SRBD1: variants seen among roughly 807,000 people sequenced by gnomAD.
SRBD1 encodes S1 RNA binding domain 1.
A neutral mutation model predicts 115.3 loss-of-function variants in SRBD1; 88 were observed. The observed-to-expected ratio is 0.76, with a 90% CI of 0.64 to 0.91. SRBD1 has a LOEUF of 0.91. Ranked by LOEUF, SRBD1 falls within the 40% of genes least tolerant of loss-of-function variation. SRBD1 has a pLI of 0.00. For missense variants in SRBD1, 1,385 were observed against 1,177.4 expected, an observed-to-expected ratio of 1.18 and a Z score of -2.58; for synonymous variants, 509 against 407.7, an observed-to-expected ratio of 1.25 and a Z score of -2.99.
chr2:45,424,668 T>A (rs988736846), intron 16 of SRBD1, among the ~76,000 whole-genome samples: 1 of 152,216 alleles, frequency 6.6e-6, no homozygotes, highest in Admixed American at 6.5e-5. Flanking sequence ...AAGACAGACA[T>A]ACATATACCC....
chr2:45,590,045 GA>G (rs1673669778), intron 4 of SRBD1, among the ~76,000 whole-genome samples: 1 of 152,216 alleles, frequency 6.6e-6, no homozygotes. Context: ...GCTAAACAGG[GA>G]GGCAGGAATT....
intron 14 of SRBD1, among the ~76,000 whole-genome samples, chr2:45,516,351 CA>C (rs1452517053): frequency 6.6e-6 from 1 of 152,108 alleles, no homozygotes; most frequent in Non-Finnish European, 1.5e-5. Context: ...CCTGCCCCCA[CA>C]AAAATCCACA....
intron 16 of SRBD1, among the ~76,000 whole-genome samples, chr2:45,465,849 T>C (rs909881127): frequency 5.9e-5 from 9 of 152,178 alleles, no homozygotes; most frequent in Non-Finnish European, 8.8e-5. Context: ...AAGAATTGTT[T>C]TAAAATTAAA....
At chr2:45,466,033 T>C (rs76629905) in intron 16 of SRBD1, among the ~76,000 whole-genome samples, 3 of 152,176 alleles carry the variant, frequency 2.0e-5, no homozygotes, top group African/African-American at 7.2e-5. Context: ...TGCCAGGTCC[T>C]GGGAGCTGAA....
At chr2:45,464,768 T>G (rs1178633652) in intron 16 of SRBD1, among the ~76,000 whole-genome samples, 1 of 152,056 alleles carries the variant, frequency 6.6e-6, no homozygotes, top group Non-Finnish European at 1.5e-5. Context: ...AATGTGTAAA[T>G]GAGACAGAAT....
At chr2:45,486,606 G>A (rs1425179294) in intron 15 of SRBD1, among the ~76,000 whole-genome samples, 4 of 151,830 alleles carry the variant, frequency 2.6e-5, no homozygotes, top group East Asian at 1.9e-4. Flanking sequence ...GGTGGCAGGC[G>A]CCTGTAGTCC....
At chr2:45,596,586 T>G (rs1273915680) in intron 4 of SRBD1, among the ~76,000 whole-genome samples, 3 of 152,222 alleles carry the variant, frequency 2.0e-5, no homozygotes, top group Non-Finnish European at 2.9e-5. Flanking sequence ...AACTGTTTTC[T>G]GTCTATTTTA....
At chr2:45,596,969 A>G (rs886797899) in intron 4 of SRBD1, among the ~76,000 whole-genome samples, 2 of 138,600 alleles carry the variant, frequency 1.4e-5, no homozygotes, top group African/African-American at 5.5e-5. Flanking sequence ...CCTAACACAC[A>G]CACCCACACC....
rs539549358 is a variant in SRBD1, at chr2:45,580,595, G to A, written c.934-582C>T. On this transcript the variant is annotated intron_variant, in intron 6 of 20. Transcript: ENST00000263736. ...AGGGTGATCTTGATCTCTTGGTCTC[G>A]TGATCTGCCCGCCTCGGCCTCCCAA... 7.1e-4 allele frequency among the ~76,000 whole-genome samples: 102 copies of A among 143,894 alleles called. No homozygotes were observed. The South Asian group carries it at 7.4e-3, about 10-fold the overall frequency. 94.4% of individuals were successfully genotyped at this position (143,894 alleles called of 152,430 possible).
chr2:45,610,870 G>T (rs1017010597), intron 1 of SRBD1, among the ~76,000 whole-genome samples: 3 of 151,844 alleles, frequency 2.0e-5, no homozygotes, highest in African/African-American at 2.4e-5. Flanking sequence ...GGAGCTTGCA[G>T]TGAGCCGAGA....
intron 4 of SRBD1, among the ~76,000 whole-genome samples, chr2:45,598,228 G>A (rs1461549330): frequency 6.6e-6 from 1 of 152,120 alleles, no homozygotes; most frequent in Admixed American, 6.5e-5. Context: ...AGATACCTTG[G>A]ACTATTCATT....
chr2:45,499,812 C>G (rs192983970), intron 14 of SRBD1, among the ~76,000 whole-genome samples: 1 of 152,162 alleles, frequency 6.6e-6, no homozygotes, highest in Non-Finnish European at 1.5e-5. Context: ...TCCACGTGTA[C>G]AGATCTACTT....
At chr2:45,518,626 T>A (rs1671190857) in intron 14 of SRBD1, among the ~76,000 whole-genome samples, 2 of 152,214 alleles carry the variant, frequency 1.3e-5, no homozygotes, top group Non-Finnish European at 2.9e-5. Context: ...TTATACAACA[T>A]GTTTGGTGCC....
chr2:45,424,753 A>C (rs1316024376), intron 16 of SRBD1, among the ~76,000 whole-genome samples: 2 of 152,228 alleles, frequency 1.3e-5, no homozygotes, highest in Non-Finnish European at 2.9e-5. Flanking sequence ...CAAAATCAAA[A>C]GGTATGAAAA....
chr2:45,451,528 T>C (rs752633430), intron 16 of SRBD1, among the ~76,000 whole-genome samples: 3 of 152,006 alleles, frequency 2.0e-5, no homozygotes, highest in East Asian at 1.9e-4. Context: ...ATTCATGAGA[T>C]ACACATCACT....
At chr2:45,437,806 C>T (rs1283956548) in intron 16 of SRBD1, among the ~76,000 whole-genome samples, 1 of 152,096 alleles carries the variant, frequency 6.6e-6, no homozygotes, top group South Asian at 2.1e-4. Context: ...AACCATAAAA[C>T]TAGGCAATAA....
chr2:45,398,527 T>C (rs567755243), intron 19 of SRBD1, among the ~76,000 whole-genome samples: 124 of 152,320 alleles, frequency 8.1e-4, no homozygotes, highest in Middle Eastern at 6.8e-3. Context: ...CTGTTATACA[T>C]GTACAGAAAC....
intron 16 of SRBD1, among the ~76,000 whole-genome samples, chr2:45,428,849 A>C (rs1668242263): frequency 6.6e-6 from 1 of 152,114 alleles, no homozygotes; most frequent in Middle Eastern, 3.2e-3. Context: ...AGATACAAAA[A>C]ACTCTCCAAA....
intron 19 of SRBD1, among the ~76,000 whole-genome samples, chr2:45,395,572 T>G (rs1202930951): frequency 6.6e-6 from 1 of 152,260 alleles, no homozygotes; most frequent in Non-Finnish European, 1.5e-5. Flanking sequence ...AAGCACCAAC[T>G]TGTGCTCCTA....
Sources: gnomAD v4.1 joint callset for allele counts (sites outside exome capture counted in the v4.1 genomes callset) on GRCh38, gnomAD v4.1.1 for gene constraint, MANE v1.5 for transcripts, NCBI Gene and HGNC (gene_info 2026-07-23, HGNC 2026-07-21) for gene names.